TECTA: variants seen among roughly 807,000 people sequenced by gnomAD.
TECTA encodes alpha-tectorin.
In TECTA, 128 loss-of-function variants were observed where a neutral mutation model predicts 216.8. The observed-to-expected ratio is 0.59, with a 90% confidence interval of 0.51 to 0.68. The LOEUF is 0.68. Ranked by LOEUF, TECTA falls within the 30% of genes least tolerant of loss-of-function variation. The pLI, the probability that TECTA is intolerant of heterozygous loss-of-function variation, is 0.00. For synonymous variants in TECTA, 1,089 were observed against 1,117.1 expected (o/e 0.97, Z 0.50); for missense variants, 2,551 against 2,786.2 (o/e 0.92, Z 1.90).
At chr11:121,176,593 T>C (rs2134204836) in intron 20 of TECTA, among the ~76,000 whole-genome samples, 1 of 140,240 alleles carries the variant, frequency 7.1e-6, no homozygotes, top group East Asian at 2.0e-4. Context: ...CCTTTCTCTC[T>C]GGCTGCCCTT....
chr11:121,189,741 T>C, intron 22 of TECTA, 23 bp from the exon 23 acceptor site: 8 of 1,603,660 alleles, frequency 5.0e-6, no homozygotes, highest in Non-Finnish European at 6.8e-6. Flanking sequence ...CTGTAGTTAA[T>C]CTTCCTAACT....
At chr11:121,148,260 A>G (rs904090987) in intron 12 of TECTA, among the ~76,000 whole-genome samples, 2 of 152,182 alleles carry the variant, frequency 1.3e-5, no homozygotes, top group South Asian at 2.1e-4. Context: ...GCCAGGGCCA[A>G]CAGGTAACTT....
rs1460605637 is a variant in TECTA at position 121,137,452 on chromosome 11, G to T, written c.2973G>T (p.Glu991Asp). The T allele has an allele frequency of 6.2e-6, 10 of 1,613,936 alleles. No individual in the cohort carries two copies. The highest frequency in any genetic ancestry group is 7.6e-6 in the Non-Finnish European group (9 of 1,180,002). ...AGTGCCCAGAGAACAGCCACTTTGAGGAGTGCATCACATGTACAGAGACCT... is the reference window on the plus strand; with the variant it reads ...AGTGCCCAGAGAACAGCCACTTTGATGAGTGCATCACATGTACAGAGACCT... ...PLECPENSHF[E>D]ECITCTETCE... The change falls in exon 11 of 24, where the codon GAG (glutamate) becomes GAT (aspartate). Residue 991 changes from glutamate to aspartate, a missense_variant. Glu to Asp is a conservative substitution (Grantham distance 45). Coordinates refer to ENST00000392793, the MANE Select transcript of TECTA (RefSeq NM_005422.4).
Position 121,162,242 on chromosome 11 carries a change from A to G in TECTA, c.5144A>G (p.Glu1715Gly). 6.2e-7 allele frequency: 1 copy of G among 1,614,156 alleles called. No homozygotes were observed. Among genetic ancestry groups the G allele is most frequent in the East Asian group, 2.2e-5 (1 of 44,886 alleles). The change falls in exon 16 of 24, where the codon GAG (glutamate) becomes GGG (glycine). Residue 1715 changes from glutamate to glycine, a missense_variant. This residue lies in a region of TECTA where 2,375 missense variants were observed against 2,563.9 expected (regional missense o/e 0.93). Transcript: ENST00000392793. ...CTTCTCGATCCCCTCCCATTCTACG[A>G]GTCCTGCTACCTGGACGGCTGCTAC... ...YGLLDPLPFY[E>G]SCYLDGCYSH...
At chr11:121,107,436 G>C (rs562648093) in intron 3 of TECTA, among the ~76,000 whole-genome samples, 1 of 152,144 alleles carries the variant, frequency 6.6e-6, no homozygotes, top group Non-Finnish European at 1.5e-5. Flanking sequence ...AAGACAATAG[G>C]CTCTTAATGT....
In TECTA at chr11:121,161,934, TC is replaced by T. The variant is rs1306831163; in HGVS notation, c.4977-140del. The stretch of plus-strand genomic sequence containing the variant: ...ATGGATAGAATAGAGACTAGCAGTA[TC>T]TTACTTGCCAAAGGTCACAAAGCTA... On this transcript the variant is annotated intron_variant, in intron 15 of 23. Coordinates refer to ENST00000392793, the MANE Select transcript of TECTA (RefSeq NM_005422.4). 23 of 978,054 alleles carry T rather than the reference TC, an allele frequency of 2.4e-5. 1 individual carries two copies. Among genetic ancestry groups the T allele is most frequent in the African/African-American group, 2.2e-4 (14 of 63,028 alleles). The allele number at this position is 978,054 out of a possible 1,614,324, so 60.6% of individuals were successfully genotyped here. A position where few individuals can be genotyped will look rare whatever the true frequency, so the allele number is the denominator to read the frequency against.
chr11:121,161,993 G>T (rs1947004395), intron 15 of TECTA, 82 bp from the exon 16 acceptor site: 2 of 1,584,506 alleles, frequency 1.3e-6, no homozygotes, highest in Non-Finnish European at 1.7e-6. Context: ...CTAGCTTCAG[G>T]GGTAGCAAAA....
chr11:121,125,973 A>C (rs1323501299), intron 8 of TECTA, 101 bp downstream of exon 8: 60 of 1,359,622 alleles, frequency 4.4e-5, no homozygotes, highest in Non-Finnish European at 5.8e-5. Context: ...CTTGTGACCC[A>C]AGAATGAGGG....
intron 22 of TECTA, 139 bp from the exon 23 acceptor site, chr11:121,189,625 C>T (rs771836385): frequency 3.3e-5 from 25 of 756,784 alleles, no homozygotes; most frequent in South Asian, 1.7e-4. Context: ...CCACCCGCCT[C>T]GGCCTCCCAA....
At position 121,137,465 on chromosome 11, in the gene TECTA, T is replaced by G. The variant is rs1401677025; in HGVS notation, c.2986T>G (p.Cys996Gly). The G allele has an allele frequency of 6.2e-7, 1 of 1,613,886 alleles. No individual in the cohort carries two copies. Among genetic ancestry groups the G allele is most frequent in the Admixed American group, 1.7e-5 (1 of 60,008 alleles). The change falls in exon 11 of 24, where the codon TGT (cysteine) becomes GGT (glycine). Residue 996 changes from cysteine to glycine, a missense_variant. Coordinates refer to ENST00000392793, the MANE Select transcript of TECTA (RefSeq NM_005422.4). ...ENSHFEECITCTETCETLTLG... is the reference protein window; with the variant it reads ...ENSHFEECITGTETCETLTLG... ...CAGCCACTTTGAGGAGTGCATCACA[T>G]GTACAGAGACCTGTGAGACCCTTAC...
chr11:121,174,037 T>C (rs1343048486), intron 20 of TECTA, among the ~76,000 whole-genome samples: 1 of 152,196 alleles, frequency 6.6e-6, no homozygotes, highest in African/African-American at 2.4e-5. Context: ...TGTACATTGA[T>C]TTTGTATCCT....
In TECTA at chr11:121,145,927, A is replaced by C. The variant is rs1393290564; in HGVS notation, c.3916A>C (p.Asn1306His). ...KVQQLCSLIP[N>H]QNAAFSKCHS... is the part of the protein sequence containing the mutation. The stretch of plus-strand genomic sequence containing the variant: ...GCAGCAGCTGTGCAGCCTGATCCCC[A>C]ACCAGAACGCTGCCTTCTCCAAGTG... The change falls in exon 12 of 24, where the codon AAC becomes CAC. Residue 1306 changes from asparagine (N) to histidine (H), a missense_variant. Asn to His is a moderately conservative substitution (Grantham distance 68, BLOSUM62 1). Coordinates refer to ENST00000392793, the MANE Select transcript of TECTA (RefSeq NM_005422.4). The C allele has an allele frequency of 6.2e-7, 1 of 1,614,114 alleles. No individual in the cohort carries two copies. The highest frequency in any genetic ancestry group is 8.5e-7 in the Non-Finnish European group (1 of 1,180,044).
intron 11 of TECTA, among the ~76,000 whole-genome samples, chr11:121,141,477 A>C (rs888332945): frequency 3.3e-5 from 5 of 152,202 alleles, no homozygotes; most frequent in African/African-American, 9.7e-5. Context: ...GCTAGAAATA[A>C]ATGTGCTATC....
chr11:121,102,250 G>GTT (rs1312892562), intron 1 of TECTA, among the ~76,000 whole-genome samples: 1 of 152,154 alleles, frequency 6.6e-6, no homozygotes, highest in East Asian at 1.9e-4. Flanking sequence ...TGAAAATTAG[G>GTT]AAATCCAGGT....
intron 1 of TECTA, 72 bp from the exon 2 acceptor site, chr11:121,102,593 T>TAA: frequency 4.2e-6 from 5 of 1,197,918 alleles, no homozygotes; most frequent in South Asian, 1.2e-5. Flanking sequence ...GATTAGCCAC[T>TAA]AAACACACCT....
At chr11:121,112,615 G>A (rs771101847) in intron 4 of TECTA, among the ~76,000 whole-genome samples, 9 of 152,138 alleles carry the variant, frequency 5.9e-5, no homozygotes, top group African/African-American at 9.7e-5. Context: ...GAGAGAGAGC[G>A]CAATCCGCAT....
At chr11:121,153,187 C>T in intron 13 of TECTA, 107 bp downstream of exon 13, 2 of 1,335,060 alleles carry the variant, frequency 1.5e-6, no homozygotes, top group Non-Finnish European at 2.1e-6. Context: ...TTATGAAGAG[C>T]GTCGTGTTCG....
intron 20 of TECTA, among the ~76,000 whole-genome samples, chr11:121,178,481 A>T (rs1247556458): frequency 7.1e-6 from 1 of 141,838 alleles, no homozygotes; most frequent in Non-Finnish European, 1.5e-5. Context: ...TTTCTTGAGG[A>T]TTTTTGCATC....
At chr11:121,184,153 C>A (rs145556510) in intron 20 of TECTA, among the ~76,000 whole-genome samples, 6 of 152,190 alleles carry the variant, frequency 3.9e-5, no homozygotes, top group African/African-American at 1.4e-4. Context: ...GAGACCCATT[C>A]AAACTAGTTT....
Sources: gnomAD v4.1 joint callset for allele counts (sites outside exome capture counted in the v4.1 genomes callset) on GRCh38, gnomAD v4.1.1 for gene constraint, gnomAD v4.1.1 regional missense constraint, MANE v1.5 for transcripts, NCBI Gene and HGNC (gene_info 2026-07-23, HGNC 2026-07-21) for gene names.